The following GMDS variants were observed in gnomAD, a reference collection of about 807,000 sequenced individuals.
GMDS encodes GDP-mannose 4,6 dehydratase.
GMDS carries 20 observed loss-of-function variants against 49.9 expected under a neutral mutation model. The ratio of observed to expected loss-of-function variants is 0.40; its 90% CI spans 0.28 to 0.58. The LOEUF is 0.58. GMDS is among the 20% of genes least tolerant of loss of function. GMDS has a pLI of 0.42. For synonymous variants in GMDS, 177 were observed against 178.6 expected, an observed-to-expected ratio of 0.99 and a Z score of 0.07; for missense variants, 362 against 481.4, an observed-to-expected ratio of 0.75 and a Z score of 2.32.
At chr6:1,735,686 T>G (rs1766975966) in intron 8 of GMDS, among the ~76,000 whole-genome samples, 1 of 152,200 alleles carries the variant, frequency 6.6e-6, no homozygotes, top group Non-Finnish European at 1.5e-5. Flanking sequence ...AATGTCTTCC[T>G]CCTTCCTATC....
At chr6:1,777,069 C>T (rs1452964030) in intron 7 of GMDS, among the ~76,000 whole-genome samples, 1 of 152,144 alleles carries the variant, frequency 6.6e-6, no homozygotes, top group Non-Finnish European at 1.5e-5. Context: ...CACATTTTAC[C>T]CTGTAAAATT....
At chr6:1,655,963 A>G (rs183475232) in intron 9 of GMDS, among the ~76,000 whole-genome samples, 40 of 152,268 alleles carry the variant, frequency 2.6e-4, no homozygotes, top group Non-Finnish European at 4.7e-4. Context: ...TGTCACGCAC[A>G]CCCCACAGCC....
At chr6:1,857,080 C>G (rs999314272) in intron 7 of GMDS, among the ~76,000 whole-genome samples, 2 of 152,148 alleles carry the variant, frequency 1.3e-5, no homozygotes, top group Non-Finnish European at 2.9e-5. Context: ...GAATGAGCAC[C>G]AGCACTTGCC....
intron 7 of GMDS, among the ~76,000 whole-genome samples, chr6:1,759,088 A>G (rs1768064528): frequency 6.6e-6 from 1 of 152,054 alleles, no homozygotes; most frequent in African/African-American, 2.4e-5. Context: ...ACGCCCGGCT[A>G]ATTTTTTCAT....
chr6:2,150,120 T>C (rs1174148053), intron 1 of GMDS, among the ~76,000 whole-genome samples: 1 of 152,188 alleles, frequency 6.6e-6, no homozygotes, highest in African/African-American at 2.4e-5. Context: ...TTCCATCTAG[T>C]ACGTATTGTG....
intron 7 of GMDS, among the ~76,000 whole-genome samples, chr6:1,749,162 G>C (rs761375582): frequency 2.6e-5 from 4 of 152,168 alleles, no homozygotes; most frequent in Admixed American, 6.5e-5. Flanking sequence ...TGGTGAGTGT[G>C]ATTAGTGGAA....
intron 9 of GMDS, among the ~76,000 whole-genome samples, chr6:1,630,267 T>C (rs951760073): frequency 3.3e-5 from 5 of 152,202 alleles, no homozygotes; most frequent in African/African-American, 1.2e-4. Flanking sequence ...GCTGGAGATG[T>C]GTGGAGATGA....
chr6:2,117,415 G>T, intron 3 of GMDS, 54 bp downstream of exon 3: 2 of 1,014,234 alleles, frequency 2.0e-6, no homozygotes, highest in South Asian at 2.6e-5. Flanking sequence ...CTGAACATAG[G>T]AACATCTGAA....
At chr6:2,222,430 GTC>G (rs1780635271) in intron 1 of GMDS, among the ~76,000 whole-genome samples, 1 of 152,158 alleles carries the variant, frequency 6.6e-6, no homozygotes, top group Non-Finnish European at 1.5e-5. Flanking sequence ...TGGCCCAAAT[GTC>G]TCCATTCATT....
At chr6:2,083,846 T>C (rs7753375) in intron 4 of GMDS, among the ~76,000 whole-genome samples, 30,243 of 152,160 alleles carry the variant, frequency 0.2, 3,478 homozygotes, top group Non-Finnish European at 0.24. Context: ...GGAGGTTTAT[T>C]TCTAACAAAA....
chr6:1,671,666 C>CTT (rs35355483), intron 9 of GMDS, among the ~76,000 whole-genome samples: 4,250 of 132,786 alleles, frequency 0.032, 121 homozygotes, highest in Non-Finnish European at 0.049. Context: ...CTTTTAATTA[C>CTT]TTTTTTTTTT....
At chr6:1,797,226 T>C (rs1449133495) in intron 7 of GMDS, among the ~76,000 whole-genome samples, 1 of 152,186 alleles carries the variant, frequency 6.6e-6, no homozygotes, top group Non-Finnish European at 1.5e-5. Context: ...GAAACTCTAA[T>C]GCTTGATGAT....
rs1054894494 is a variant in GMDS, at chr6:2,132,341, T to C, written c.103-7610A>G. ...GACTATCAAACACCCATTTGGACCA[T>C]AGGTGTTATGGGATGGAGGAGGACA... On this transcript the variant is annotated intron_variant, in intron 1 of 10. Transcript: ENST00000380815. Among the ~76,000 whole-genome samples the C allele has an allele frequency of 5.3e-5, 8 of 152,240 alleles. No homozygotes were observed. In the East Asian group the frequency reaches 5.8e-4, roughly 11 times the overall value.
At chr6:1,694,289 G>A (rs887000757) in intron 9 of GMDS, among the ~76,000 whole-genome samples, 1 of 152,078 alleles carries the variant, frequency 6.6e-6, no homozygotes, top group East Asian at 1.9e-4. Context: ...TTTTAGGGTG[G>A]ATCTCAATTT....
intron 6 of GMDS, among the ~76,000 whole-genome samples, chr6:1,935,929 C>T (rs1762506399): frequency 6.6e-6 from 1 of 152,080 alleles, no homozygotes; most frequent in South Asian, 2.1e-4. Context: ...GAAAGAAAAT[C>T]CCCAGGTGAA....
intron 4 of GMDS, among the ~76,000 whole-genome samples, chr6:1,978,339 G>A (rs550735725): frequency 6.6e-6 from 1 of 152,278 alleles, no homozygotes; most frequent in East Asian, 1.9e-4. Context: ...GAGCTCTGAT[G>A]TCTCCCTGGG....
chr6:1,888,027 C>T (rs1759688835), intron 7 of GMDS, among the ~76,000 whole-genome samples: 1 of 152,068 alleles, frequency 6.6e-6, no homozygotes, highest in Non-Finnish European at 1.5e-5. Flanking sequence ...TGGCTGTCTG[C>T]AGCCTTGACC....
intron 3 of GMDS, 134 bp downstream of exon 3, chr6:2,117,335 G>A (rs1231512991): frequency 1.2e-5 from 8 of 651,638 alleles, no homozygotes; most frequent in Middle Eastern, 5.6e-4. Flanking sequence ...CGTATTCAGT[G>A]CAGTAATTCA....
intron 9 of GMDS, among the ~76,000 whole-genome samples, chr6:1,630,074 T>C (rs1257484734): frequency 6.6e-6 from 1 of 152,242 alleles, no homozygotes; most frequent in Non-Finnish European, 1.5e-5. Flanking sequence ...CTTTTTTCAT[T>C]TATATTTTAA....
Sources: gnomAD v4.1 joint callset for allele counts (sites outside exome capture counted in the v4.1 genomes callset) on GRCh38, gnomAD v4.1.1 for gene constraint, MANE v1.5 for transcripts, NCBI Gene and HGNC (gene_info 2026-07-23, HGNC 2026-07-21) for gene names.